ASAP1: variants seen among roughly 807,000 people sequenced by gnomAD.
The protein encoded by ASAP1 is ArfGAP with SH3 domain, ankyrin repeat and PH domain 1, also known as arf-GAP with SH3 domain, ANK repeat and PH domain-containing protein 1.
Under a neutral mutation model 145.2 loss-of-function variants are expected in ASAP1, and 43 were observed. That is an observed-to-expected ratio of 0.30 (90% CI 0.23 to 0.38). The LOEUF (loss-of-function observed/expected upper bound fraction) is 0.38. Ranked by LOEUF, ASAP1 falls within the 10% of genes least tolerant of loss-of-function variation. The pLI is 1.00. For synonymous variants in ASAP1, 546 were observed against 515.5 expected (o/e 1.06, Z -0.80); for missense variants, 1,018 against 1,355.3 (o/e 0.75, Z 3.91).
At chr8:130,400,622 T>TA (rs113187171) in intron 2 of ASAP1, among the ~76,000 whole-genome samples, 22 of 150,834 alleles carry the variant, frequency 1.5e-4, no homozygotes, top group South Asian at 1.1e-3. Context: ...CCGTCTCTAC[T>TA]AAAAAAAAAT....
chr8:130,348,804 T>C (rs1335005383), intron 3 of ASAP1, among the ~76,000 whole-genome samples: 1 of 152,192 alleles, frequency 6.6e-6, no homozygotes. Flanking sequence ...CCATGCTCTG[T>C]ACCAGTCAGG....
At chr8:130,287,821 C>T (rs1821709372) in intron 3 of ASAP1, among the ~76,000 whole-genome samples, 4 of 152,156 alleles carry the variant, frequency 2.6e-5, no homozygotes, top group African/African-American at 7.2e-5. Context: ...GTTTTGTCAC[C>T]TCTATACCCC....
intron 24 of ASAP1, among the ~76,000 whole-genome samples, chr8:130,103,085 C>A (rs1281664212): frequency 2.6e-5 from 4 of 151,952 alleles, no homozygotes; most frequent in African/African-American, 9.7e-5. Flanking sequence ...ATTACTGATT[C>A]AATGTTGTTA....
At chr8:130,418,225 A>G (rs1480954680) in intron 1 of ASAP1, among the ~76,000 whole-genome samples, 1 of 152,256 alleles carries the variant, frequency 6.6e-6, no homozygotes, top group Non-Finnish European at 1.5e-5. Context: ...TTCTTGACTT[A>G]TAATTCACAT....
chr8:130,123,863 C>T lies in ASAP1; in HGVS notation c.1607+150G>A, dbSNP rs543434229. On this transcript the variant is annotated intron_variant, in intron 18 of 29. Transcript: ENST00000518721. ...CAGGATGGTCTTGATCTCCTGACCT[C>T]GTGATCCGTTTGCCTCAGCCTCCCA... 439 of 581,498 alleles carry T rather than the reference C, an allele frequency of 7.5e-4. 1 individual carries two copies. The highest frequency in any genetic ancestry group is 1.4e-3 in the South Asian group (68 of 49,482). The allele number at this position is 581,498 out of a possible 1,614,324, so 36.0% of individuals were successfully genotyped here.
intron 24 of ASAP1, among the ~76,000 whole-genome samples, chr8:130,106,025 C>G (rs7837833): frequency 3.3e-5 from 5 of 152,024 alleles, no homozygotes; most frequent in African/African-American, 1.2e-4. Flanking sequence ...CCTTTCCACA[C>G]CCTGGCAGTC....
chr8:130,268,501 A>C (rs1208831299), intron 3 of ASAP1, among the ~76,000 whole-genome samples: 3 of 131,464 alleles, frequency 2.3e-5, no homozygotes, highest in Non-Finnish European at 3.5e-5. Flanking sequence ...ACACACACAC[A>C]CACACACACA....
chr8:130,206,468 A>C (rs35386978), intron 5 of ASAP1, among the ~76,000 whole-genome samples: 5 of 152,242 alleles, frequency 3.3e-5, no homozygotes, highest in Admixed American at 1.3e-4. Flanking sequence ...AAAAAAAACA[A>C]CTTTAACACA....
chr8:130,217,915 G>C (rs1415600009), intron 4 of ASAP1, among the ~76,000 whole-genome samples: 1 of 152,118 alleles, frequency 6.6e-6, no homozygotes, highest in Non-Finnish European at 1.5e-5. Flanking sequence ...TGTCACAGCA[G>C]TCCAATGAAA....
chr8:130,061,078 G>A lies in ASAP1; in HGVS notation c.2702-9C>T. ...TGTTTTCCTTAGTGCCACTGTGGAA[G>A]CAATCAAAAACAAGGAGGTCATTGG... On this transcript the variant is annotated splice_polypyrimidine_tract_variant and intron_variant, in intron 27 of 29. Coordinates refer to ENST00000518721, the MANE Select transcript of ASAP1 (RefSeq NM_018482.4). 1 of 1,521,038 alleles carries A rather than the reference G, an allele frequency of 6.6e-7. No individual in the cohort carries two copies. Among genetic ancestry groups the A allele is most frequent in the Non-Finnish European group, 8.8e-7 (1 of 1,137,790 alleles). The allele number at this position is 1,521,038 out of a possible 1,614,324, so 94.2% of individuals were successfully genotyped here.
chr8:130,434,075 G>A (rs1006247433), intron 1 of ASAP1, among the ~76,000 whole-genome samples: 1 of 152,210 alleles, frequency 6.6e-6, no homozygotes, highest in Non-Finnish European at 1.5e-5. Context: ...CAGCACTATG[G>A]AAGGCCAAGG....
chr8:130,313,095 C>T (rs1182032380), intron 3 of ASAP1, among the ~76,000 whole-genome samples: 1 of 152,188 alleles, frequency 6.6e-6, no homozygotes, highest in Non-Finnish European at 1.5e-5. Context: ...ATCATAAGTA[C>T]ATTTTCACAT....
Position 130,090,446 on chromosome 8 carries a change from G to A in ASAP1, c.2572+1527C>T, listed in dbSNP as rs141781924. 2.4e-4 allele frequency among the ~76,000 whole-genome samples: 37 copies of A among 152,280 alleles called. No individual in the cohort carries two copies. In the East Asian group the frequency reaches 5.8e-3, roughly 24 times the overall value. ...ACACAGCAGCCTCTGAAAATGTCAC[G>A]GACATCCTTAGTCTTTATGTACATA... On this transcript the variant is annotated intron_variant, in intron 25 of 29. Coordinates refer to ENST00000518721, the MANE Select transcript of ASAP1 (RefSeq NM_018482.4).
At chr8:130,363,075 T>G (rs975441755) in intron 2 of ASAP1, among the ~76,000 whole-genome samples, 6 of 152,172 alleles carry the variant, frequency 3.9e-5, no homozygotes, top group African/African-American at 1.4e-4. Context: ...AGTTTTCATA[T>G]CTATAAAATG....
chr8:130,209,257 G>A (rs149604886), intron 5 of ASAP1, among the ~76,000 whole-genome samples: 51 of 152,230 alleles, frequency 3.4e-4, no homozygotes, highest in African/African-American at 1.1e-3. Flanking sequence ...GGAAATTTAC[G>A]TCTGTAAGTT....
chr8:130,310,664 C>T (rs1258952241), intron 3 of ASAP1, among the ~76,000 whole-genome samples: 1 of 151,602 alleles, frequency 6.6e-6, no homozygotes, highest in Non-Finnish European at 1.5e-5. Context: ...GAGTCAATCA[C>T]CAAATCACAT....
At chr8:130,212,934 A>G (rs778481025) in intron 5 of ASAP1, among the ~76,000 whole-genome samples, 6 of 152,192 alleles carry the variant, frequency 3.9e-5, no homozygotes, top group Non-Finnish European at 8.8e-5. Flanking sequence ...ATGCGAAAAC[A>G]CCCATCTCAG....
At chr8:130,264,798 C>T (rs900974859) in intron 3 of ASAP1, among the ~76,000 whole-genome samples, 7 of 152,026 alleles carry the variant, frequency 4.6e-5, no homozygotes, top group African/African-American at 1.7e-4. Flanking sequence ...ACCACAATGT[C>T]AACACACGAT....
intron 7 of ASAP1, among the ~76,000 whole-genome samples, chr8:130,186,836 G>C (rs1814765616): frequency 6.6e-6 from 1 of 152,130 alleles, no homozygotes; most frequent in South Asian, 2.1e-4. Context: ...TGCACGTCCT[G>C]GCAGGCACCA....
Sources: allele counts gnomAD v4.1 joint callset (sites outside exome capture counted in the v4.1 genomes callset), GRCh38; gene constraint gnomAD v4.1.1; transcripts MANE v1.5; gene names NCBI Gene and HGNC (gene_info 2026-07-23, HGNC 2026-07-21).